TENM2: variants seen among roughly 807,000 people sequenced by gnomAD.
The protein encoded by TENM2 is teneurin-2.
Under a neutral mutation model 245.2 loss-of-function variants are expected in TENM2, and 52 were observed. That is an observed-to-expected ratio of 0.21 (90% CI 0.17 to 0.27). The LOEUF (loss-of-function observed/expected upper bound fraction) is 0.27. Among genes scored for constraint, TENM2 ranks in the 10% least tolerant of loss-of-function variants. The pLI, the probability that TENM2 is intolerant of heterozygous loss-of-function variation, is 1.00. For synonymous variants in TENM2, 1,363 were observed against 1,438.9 expected, an observed-to-expected ratio of 0.95 and a Z score of 1.19; for missense variants, 3,046 against 3,666.8, an observed-to-expected ratio of 0.83 and a Z score of 4.37.
intron 2 of TENM2, among the ~76,000 whole-genome samples, chr5:167,452,794 G>A (rs1429246662): frequency 6.6e-6 from 1 of 151,202 alleles, no homozygotes; most frequent in Non-Finnish European, 1.5e-5. Context: ...GGTAGGGGGA[G>A]CGGGGAGGGA....
At chr5:167,976,737 A>G (rs757967150) in intron 4 of TENM2, among the ~76,000 whole-genome samples, 1 of 152,248 alleles carries the variant, frequency 6.6e-6, no homozygotes, top group Non-Finnish European at 1.5e-5. Context: ...GGCTTGGTAC[A>G]TAAGTACTGT....
chr5:167,256,395 A>AT, the TENM2 span, among the ~76,000 whole-genome samples: 1 of 152,158 alleles, frequency 6.6e-6, no homozygotes, highest in Non-Finnish European at 1.5e-5. Context: ...TCCAAAGCAA[A>AT]GGGGCAAAAG....
intron 1 of TENM2, among the ~76,000 whole-genome samples, chr5:167,373,171 CAACCA>C (rs1315084798): frequency 2.6e-5 from 4 of 152,202 alleles, no homozygotes; most frequent in Non-Finnish European, 5.9e-5. Flanking sequence ...TCCATTTACA[CAACCA>C]AATTAGGCTG....
At chr5:168,101,545 C>T (rs1793815514) in intron 9 of TENM2, among the ~76,000 whole-genome samples, 1 of 152,070 alleles carries the variant, frequency 6.6e-6, no homozygotes, top group Admixed American at 6.5e-5. Context: ...TTGCATTCAC[C>T]ACCTGCAGTG....
At chr5:167,041,596 A>G in the TENM2 span, among the ~76,000 whole-genome samples, 4 of 152,348 alleles carry the variant, frequency 2.6e-5, no homozygotes, top group South Asian at 2.1e-4. Context: ...AGAGTCTTGA[A>G]TTTTTTAACC....
At chr5:168,173,483 C>A (rs1262060562) in intron 13 of TENM2, among the ~76,000 whole-genome samples, 3 of 152,228 alleles carry the variant, frequency 2.0e-5, no homozygotes, top group East Asian at 3.9e-4. Flanking sequence ...GTGAGTGTCG[C>A]CTTCACTTTC....
chr5:167,316,927 AAAG>A (rs975365568), intron 1 of TENM2, among the ~76,000 whole-genome samples: 34 of 152,314 alleles, frequency 2.2e-4, no homozygotes, highest in African/African-American at 8.2e-4. Context: ...GTTGCCAAAA[AAAG>A]AGCACACAGT....
chr5:167,449,903 A>G (rs578094981), intron 2 of TENM2, among the ~76,000 whole-genome samples: 1 of 152,298 alleles, frequency 6.6e-6, no homozygotes, highest in East Asian at 1.9e-4. Context: ...GGTTGCAGTG[A>G]GCTGAGATCC....
At chr5:167,478,603 G>A (rs899675841) in intron 2 of TENM2, among the ~76,000 whole-genome samples, 1 of 152,124 alleles carries the variant, frequency 6.6e-6, no homozygotes, top group African/African-American at 2.4e-5. Flanking sequence ...CCTTTCTGGG[G>A]TTACTCTATA....
chr5:168,086,049 T>G (rs1181891751), intron 7 of TENM2, among the ~76,000 whole-genome samples: 4 of 152,182 alleles, frequency 2.6e-5, no homozygotes, highest in Non-Finnish European at 4.4e-5. Context: ...CCCCCCTTTT[T>G]GGGGGGTCCT....
the TENM2 span, among the ~76,000 whole-genome samples, chr5:167,190,386 C>A: frequency 6.6e-6 from 1 of 152,034 alleles, no homozygotes; most frequent in Non-Finnish European, 1.5e-5. Context: ...CGCATCCCCT[C>A]TTCCTAAGCC....
chr5:167,122,612 C>G, the TENM2 span, among the ~76,000 whole-genome samples: 34 of 152,144 alleles, frequency 2.2e-4, no homozygotes, highest in Non-Finnish European at 4.7e-4. Context: ...TTATTGGTGA[C>G]CTTTGATGGT....
chr5:167,194,646 G>C, the TENM2 span, among the ~76,000 whole-genome samples: 75 of 152,098 alleles, frequency 4.9e-4, no homozygotes, highest in African/African-American at 1.7e-3. Context: ...ACAGGGTGCA[G>C]TTTTGAAGGT....
chr5:168,139,467 T>G (rs748213090), intron 12 of TENM2: 18 of 456,442 alleles, frequency 3.9e-5, no homozygotes, highest in South Asian at 2.8e-4. Flanking sequence ...TAGGAAAACT[T>G]TGAGCTTTTA....
At chr5:167,621,317 A>G (rs531834696) in intron 2 of TENM2, among the ~76,000 whole-genome samples, 1 of 152,284 alleles carries the variant, frequency 6.6e-6, no homozygotes, top group South Asian at 2.1e-4. Context: ...CTTCAGATAG[A>G]GTTGTCAGAG....
intron 2 of TENM2, among the ~76,000 whole-genome samples, chr5:167,403,007 C>T (rs1762444158): frequency 6.6e-6 from 1 of 152,038 alleles, no homozygotes; most frequent in African/African-American, 2.4e-5. Flanking sequence ...CCAAACTGTG[C>T]AGCTTTTGGT....
chr5:167,812,098 T>TA (rs1258762623), intron 2 of TENM2, among the ~76,000 whole-genome samples: 3 of 152,150 alleles, frequency 2.0e-5, no homozygotes, highest in Non-Finnish European at 2.9e-5. Flanking sequence ...GAGTGGAAGA[T>TA]AAAACCTTTC....
At chr5:167,012,644 G>A in the TENM2 span, among the ~76,000 whole-genome samples, 1,084 of 152,304 alleles carry the variant, frequency 7.1e-3, 9 homozygotes, top group African/African-American at 0.024. Flanking sequence ...ATGGAAGGTT[G>A]TGCAGTATGT....
chr5:167,702,964 C>CT (rs1245951522), intron 2 of TENM2, among the ~76,000 whole-genome samples: 1 of 152,128 alleles, frequency 6.6e-6, no homozygotes, highest in Non-Finnish European at 1.5e-5. Flanking sequence ...CGCCCAGCCA[C>CT]TTTTTTATTT....
Sources: gnomAD v4.1 joint callset for allele counts (sites outside exome capture counted in the v4.1 genomes callset) on GRCh38, gnomAD v4.1.1 for gene constraint, MANE v1.5 for transcripts, NCBI Gene and HGNC (gene_info 2026-07-23, HGNC 2026-07-21) for gene names.